Variants in CDYL2 observed in about 807,000 individuals in gnomAD.
CDYL2 encodes chromodomain Y-like protein 2.
CDYL2 carries 23 observed loss-of-function variants against 49.4 expected under a neutral mutation model. That is an observed-to-expected ratio of 0.47 (90% CI 0.34 to 0.66). CDYL2 has a LOEUF of 0.66. CDYL2 is among the 30% of genes least tolerant of loss of function. CDYL2 has a pLI of 0.01. For missense variants in CDYL2, 678 were observed against 656.4 expected, an observed-to-expected ratio of 1.03 and a Z score of -0.36; for synonymous variants, 360 against 268.8, an observed-to-expected ratio of 1.34 and a Z score of -3.32.
rs570945123 is a variant in CDYL2 at position 80,720,405 on chromosome 16, T to C, written c.25-35276A>G. Among the ~76,000 whole-genome samples the C allele has an allele frequency of 1.9e-3, 297 of 152,318 alleles. 1 individual carries two copies. The highest frequency in any genetic ancestry group is 6.4e-3 in the African/African-American group (268 of 41,576). Reference sequence around the variant, plus strand: ...TGAACAGTCACCATGTAGTATCCAATGACCAGGTAGAGCAAAAACAACCTA... The same window carrying C: ...TGAACAGTCACCATGTAGTATCCAACGACCAGGTAGAGCAAAAACAACCTA... On this transcript the variant is annotated intron_variant, in intron 1 of 6. Transcript: ENST00000570137.
chr16:80,745,441 C>A (rs993486817), intron 1 of CDYL2, among the ~76,000 whole-genome samples: 1 of 152,200 alleles, frequency 6.6e-6, no homozygotes, highest in African/African-American at 2.4e-5. Context: ...TACATAATCC[C>A]AGCCTGACAC....
At chr16:80,625,863 A>G (rs945939729) in intron 3 of CDYL2, among the ~76,000 whole-genome samples, 1 of 152,228 alleles carries the variant, frequency 6.6e-6, no homozygotes, top group Non-Finnish European at 1.5e-5. Context: ...AATTCACTTA[A>G]AAGGAAGGGT....
intron 2 of CDYL2, among the ~76,000 whole-genome samples, chr16:80,666,615 T>C (rs775766814): frequency 6.6e-6 from 1 of 152,122 alleles, no homozygotes; most frequent in Non-Finnish European, 1.5e-5. Flanking sequence ...GGGAAGGGAA[T>C]CCTGTCGTTG....
intron 1 of CDYL2, among the ~76,000 whole-genome samples, chr16:80,793,592 C>T (rs1407367279): frequency 6.6e-6 from 1 of 152,146 alleles, no homozygotes; most frequent in African/African-American, 2.4e-5. Context: ...GCTACAGGTC[C>T]AGCAAAGTGC....
intron 1 of CDYL2, among the ~76,000 whole-genome samples, chr16:80,782,433 T>A (rs1907298987): frequency 6.6e-6 from 1 of 150,992 alleles, no homozygotes; most frequent in Admixed American, 6.6e-5. Flanking sequence ...CACCAATTCT[T>A]CTTAAAATCT....
chr16:80,804,769 G>A (rs1453185800), upstream of CDYL2, among the ~76,000 whole-genome samples: 2 of 150,116 alleles, frequency 1.3e-5, no homozygotes, highest in South Asian at 2.1e-4. Context: ...GGGGGGCGGC[G>A]GGCCAGGTGC....
At chr16:80,793,951 A>G (rs1907687174) in intron 1 of CDYL2, among the ~76,000 whole-genome samples, 1 of 152,200 alleles carries the variant, frequency 6.6e-6, no homozygotes, top group South Asian at 2.1e-4. Context: ...GTAAATAAAA[A>G]CACAATCTTT....
chr16:80,786,595 C>G (rs1907443727), intron 1 of CDYL2, among the ~76,000 whole-genome samples: 1 of 152,134 alleles, frequency 6.6e-6, no homozygotes, highest in Non-Finnish European at 1.5e-5. Flanking sequence ...AACATTTGAC[C>G]CAGCAATCCC....
chr16:80,682,489 A>G (rs1450634135), intron 2 of CDYL2, among the ~76,000 whole-genome samples: 1 of 152,200 alleles, frequency 6.6e-6, no homozygotes, highest in Non-Finnish European at 1.5e-5. Flanking sequence ...GCTCTGCCTC[A>G]CCGCAGAAGA....
At chr16:80,790,758 G>A (rs1002922363) in intron 1 of CDYL2, among the ~76,000 whole-genome samples, 1 of 152,140 alleles carries the variant, frequency 6.6e-6, no homozygotes, top group Non-Finnish European at 1.5e-5. Context: ...AGTCAGGGGG[G>A]TAGGTCTCAG....
intron 2 of CDYL2, among the ~76,000 whole-genome samples, chr16:80,656,838 T>A (rs751001632): frequency 2.6e-5 from 4 of 152,050 alleles, no homozygotes; most frequent in Non-Finnish European, 4.4e-5. Flanking sequence ...TGTGGGTTCT[T>A]CAAAGGCAAC....
intron 1 of CDYL2, among the ~76,000 whole-genome samples, chr16:80,778,362 A>C (rs1432226586): frequency 2.0e-5 from 3 of 151,692 alleles, no homozygotes; most frequent in Non-Finnish European, 4.4e-5. Context: ...AGGTAAGATG[A>C]TATAATTTAA....
intron 1 of CDYL2, among the ~76,000 whole-genome samples, chr16:80,720,693 C>A (rs1221072945): frequency 6.6e-6 from 1 of 152,144 alleles, no homozygotes; most frequent in Admixed American, 6.5e-5. Context: ...CCTCTTGGAC[C>A]AATGTATAAA....
intron 1 of CDYL2, among the ~76,000 whole-genome samples, chr16:80,792,742 G>A (rs1907650021): frequency 6.6e-6 from 1 of 152,106 alleles, no homozygotes; most frequent in Non-Finnish European, 1.5e-5. Context: ...CAGGGTCGAT[G>A]TGCCCATCCC....
At chr16:80,686,788 G>A (rs941080124) in intron 1 of CDYL2, among the ~76,000 whole-genome samples, 1 of 152,246 alleles carries the variant, frequency 6.6e-6, no homozygotes, top group South Asian at 2.1e-4. Context: ...AGACCATACT[G>A]CCTCTTTATA....
chr16:80,776,726 G>T (rs1397456220), intron 1 of CDYL2, among the ~76,000 whole-genome samples: 2 of 151,642 alleles, frequency 1.3e-5, no homozygotes, highest in Admixed American at 6.6e-5. Flanking sequence ...AGATGCAGAA[G>T]AATTCATATA....
chr16:80,612,068 C>T lies in CDYL2; in HGVS notation c.1218+558G>A, dbSNP rs956188902. 2.0e-5 allele frequency among the ~76,000 whole-genome samples: 3 copies of T among 152,248 alleles called. No homozygotes were observed. On this transcript the variant is annotated intron_variant, in intron 5 of 6. Transcript: ENST00000570137. This position sits in a 1 kb window ranked among gnomAD's most constrained non-coding sequence, Gnocchi z 5.0. ...TGGACATGCGCTGGGCTGCGTCTCC[C>T]GGCCTCCCTTGCAGGCGCATGTGAC...
chr16:80,612,375 G>A lies in CDYL2; in HGVS notation c.1218+251C>T, dbSNP rs1420055895. Reference sequence around the variant, plus strand: ...CAGCACCCAGCCAATCCTAAGACACGCCTTCAGGGGGTTGGAGTGAGGAAT... The same window carrying A: ...CAGCACCCAGCCAATCCTAAGACACACCTTCAGGGGGTTGGAGTGAGGAAT... On this transcript the variant is annotated intron_variant, in intron 5 of 6. Coordinates refer to ENST00000570137, the MANE Select transcript of CDYL2 (RefSeq NM_152342.4). This position sits in a 1 kb window ranked among gnomAD's most constrained non-coding sequence, Gnocchi z 5.0. 2.0e-5 allele frequency among the ~76,000 whole-genome samples: 3 copies of A among 152,138 alleles called. No individual in the cohort carries two copies. The highest frequency in any genetic ancestry group is 3.9e-4 in the East Asian group (2 of 5,182).
chr16:80,750,921 GAGGCA>G (rs1045026324), intron 1 of CDYL2, among the ~76,000 whole-genome samples: 14 of 152,132 alleles, frequency 9.2e-5, no homozygotes, highest in Non-Finnish European at 1.5e-5. Context: ...TGGGGAGGCT[GAGGCA>G]GGAGAATGGC....
Sources: gnomAD v4.1 joint callset for allele counts (sites outside exome capture counted in the v4.1 genomes callset) on GRCh38, gnomAD v4.1.1 for gene constraint, Gnocchi (gnomAD v3.1) non-coding constraint, MANE v1.5 for transcripts, NCBI Gene and HGNC (gene_info 2026-07-23, HGNC 2026-07-21) for gene names.